Variants in AMPD3 observed in about 807,000 individuals in gnomAD.
AMPD3 encodes the protein AMP deaminase 3.
A neutral mutation model predicts 82.3 loss-of-function variants in AMPD3; 57 were observed. That is an observed-to-expected ratio of 0.69 (90% CI 0.56 to 0.86). The LOEUF is 0.86. AMPD3 is among the 40% of genes least tolerant of loss of function. AMPD3 has a pLI of 0.00. For missense variants in AMPD3, 870 were observed against 1,003.8 expected, an observed-to-expected ratio of 0.87 and a Z score of 1.80; for synonymous variants, 381 against 394.7, an observed-to-expected ratio of 0.97 and a Z score of 0.41.
upstream of AMPD3, chr11:10,451,011 C>A: frequency 6.3e-7 from 1 of 1,579,676 alleles, no homozygotes; most frequent in South Asian, 1.1e-5. Context: ...CCGTCCCTTT[C>A]GGCCGGCGGC....
chr11:10,506,443 T>C lies in AMPD3; in HGVS notation c.*559T>C, dbSNP rs1849717250. 5.8e-6 allele frequency: 1 copy of C among 171,880 alleles called. No individual in the cohort carries two copies. The highest frequency in any genetic ancestry group is 1.3e-4 in the South Asian group (1 of 7,538). 10.6% of individuals were successfully genotyped at this position (171,880 alleles called of 1,614,324 possible). The stretch of plus-strand genomic sequence containing the variant: ...TTTAGCCCTCCTTCCCTCTTTCTAG[T>C]TGGAAGCCAAATGTACTCATGAAAA... On this transcript the variant is annotated 3_prime_UTR_variant, in exon 15 of 15. Transcript: ENST00000396553. The surrounding 1 kb of genome is among the most constrained non-coding windows in gnomAD (Gnocchi z 4.1).
chr11:10,495,815 T>C (rs1321256625), intron 9 of AMPD3, 82 bp downstream of exon 9: 11 of 1,562,604 alleles, frequency 7.0e-6, no homozygotes, highest in Middle Eastern at 3.5e-4. Flanking sequence ...TCTGCACTCC[T>C]GAGGGGTAGG....
At position 10,478,406 on chromosome 11, in the gene AMPD3, G is replaced by A; in HGVS notation, c.222-120G>A. On this transcript the variant is annotated intron_variant, in intron 2 of 14. Coordinates refer to ENST00000396553, the MANE Select transcript of AMPD3 (RefSeq NM_001025389.2). ...ATAATTAGAAACTTCTTAATGGTAGGGCCAGCACCAGTGATTAATCATAGC... is the reference window on the plus strand; with the variant it reads ...ATAATTAGAAACTTCTTAATGGTAGAGCCAGCACCAGTGATTAATCATAGC... 7 of 1,576,554 alleles carry A rather than the reference G, an allele frequency of 4.4e-6. No individual in the cohort carries two copies. The South Asian group carries it at 7.8e-5, about 18-fold the overall frequency.
rs558374387 is a variant in AMPD3, at chr11:10,478,562, G to C, written c.258G>C (p.Leu86=). Reference sequence around the variant, plus strand: ...TCAAGATGATTCGGTCCCAGTCCCTGTCTCTGCAAATGCCGCCACAGCAAG... The same window carrying C: ...TCAAGATGATTCGGTCCCAGTCCCTCTCTCTGCAAATGCCGCCACAGCAAG... The part of the protein sequence containing the change: ...KSFKMIRSQS[L]SLQMPPQQDW... Residue 86 remains leucine (L), a synonymous_variant, in exon 3 of 15, where the codon CTG becomes CTC. Transcript: ENST00000396553. The C allele has an allele frequency of 6.2e-7, 1 of 1,614,210 alleles. No homozygotes were observed. Among genetic ancestry groups the C allele is most frequent in the South Asian group, 1.1e-5 (1 of 91,088 alleles).
intron 2 of AMPD3, among the ~76,000 whole-genome samples, chr11:10,463,218 C>T (rs187242012): frequency 5.3e-5 from 8 of 151,792 alleles, no homozygotes; most frequent in African/African-American, 1.9e-4. Context: ...TGTAGAAGCT[C>T]GCATTTTCTT....
At chr11:10,481,551 T>A (rs1176633939) in intron 3 of AMPD3, 1 of 961,754 alleles carries the variant, frequency 1.0e-6, no homozygotes, top group Admixed American at 6.2e-5. Flanking sequence ...GTTGGATGAT[T>A]CACCAGGAGG....
intron 1 of AMPD3, chr11:10,460,971 G>T (rs1417282042): frequency 4.1e-6 from 4 of 985,306 alleles, no homozygotes; most frequent in Non-Finnish European, 4.8e-6. Flanking sequence ...GTTTGGAACT[G>T]CAATAGCAGA....
chr11:10,450,674 G>T (rs1310291284), upstream of AMPD3: 1 of 1,030,502 alleles, frequency 9.7e-7, no homozygotes, highest in Non-Finnish European at 1.2e-6. Context: ...GGCGGCCGCC[G>T]CGCCCCTGCT....
In AMPD3 at chr11:10,485,189, G is replaced by A. The variant is rs144242285; in HGVS notation, c.809+150G>A. Reference sequence around the variant, plus strand: ...GTTTCTCCTTTCCTCAGTGCTTTGCGGGTTTCTGCAACAGTTTTCCTTCAT... The same window carrying A: ...GTTTCTCCTTTCCTCAGTGCTTTGCAGGTTTCTGCAACAGTTTTCCTTCAT... On this transcript the variant is annotated intron_variant, in intron 5 of 14. Coordinates refer to ENST00000396553, the MANE Select transcript of AMPD3 (RefSeq NM_001025389.2). The A allele has an allele frequency of 7.5e-5, 55 of 737,034 alleles. No homozygotes were observed. In the Middle Eastern group the frequency reaches 1.5e-3, roughly 20 times the overall value. The allele number at this position is 737,034 out of a possible 1,614,324, so 45.7% of individuals were successfully genotyped here.
At chr11:10,502,642 C>G in intron 12 of AMPD3, 79 bp from the exon 13 acceptor site, 1 of 1,592,306 alleles carries the variant, frequency 6.3e-7, no homozygotes, top group Non-Finnish European at 8.6e-7. Flanking sequence ...GTGAATGCTT[C>G]TTCCCTTCCT....
At chr11:10,474,674 C>G (rs115048259) in intron 2 of AMPD3, among the ~76,000 whole-genome samples, 2,857 of 152,308 alleles carry the variant, frequency 0.019, 97 homozygotes, top group African/African-American at 0.066. Flanking sequence ...TGTCCTTGTG[C>G]GTCAAGAGGA....
Position 10,482,075 on chromosome 11 carries a change from G to T in AMPD3, c.439G>T (p.Asp147Tyr), listed in dbSNP as rs147454158. The change falls in exon 4 of 15, where the codon GAC becomes TAC. Residue 147 changes from aspartate (D) to tyrosine (Y), a missense_variant. Asp to Tyr is a radical substitution (Grantham distance 160). Transcript: ENST00000396553. ...CTCCCTTCTGCAGATCACTTTGGAG[G>T]ACTATGAGCAGGCAGCCAAGAGTCT... is the stretch of plus-strand genomic sequence containing the variant. ...GDYCAGITLE[D>Y]YEQAAKSLAK... 8 of 1,614,198 alleles carry T rather than the reference G, an allele frequency of 5.0e-6. No individual in the cohort carries two copies. Among genetic ancestry groups the T allele is most frequent in the Middle Eastern group, 3.3e-4 (2 of 6,062 alleles).
rs1849419196 is a variant in AMPD3 at position 10,496,881 on chromosome 11, T to C, written c.1500T>C (p.Leu500=). The change falls in exon 10 of 15, where the codon CTT becomes CTC. Residue 500 remains leucine (L), a synonymous_variant. Coordinates refer to ENST00000396553, the MANE Select transcript of AMPD3 (RefSeq NM_001025389.2). ...TGCTGGAGAACATCTTCCTGCCCCT[T>C]TTCAAGGCCACTATCAACCCCCAAG... ...GKMLENIFLP[L]FKATINPQDH... is the part of the protein sequence containing the mutation. 9 of 1,614,014 alleles carry C rather than the reference T, an allele frequency of 5.6e-6. No homozygotes were observed. Among genetic ancestry groups the C allele is most frequent in the African/African-American group, 1.3e-5 (1 of 74,904 alleles).
At chr11:10,487,015 C>CCTG in intron 5 of AMPD3, 1 of 984,668 alleles carries the variant, frequency 1.0e-6, no homozygotes, top group Non-Finnish European at 1.2e-6. Context: ...CCAGAGCTGG[C>CCTG]CTGCTACTGC....
intron 8 of AMPD3, 100 bp downstream of exon 8, chr11:10,495,130 T>A: frequency 6.2e-7 from 1 of 1,609,606 alleles, no homozygotes; most frequent in Non-Finnish European, 8.5e-7. Context: ...TTCCCCTCCC[T>A]CTGTGTACCA....
rs374699886 is a variant in AMPD3, at chr11:10,502,763, A to G, written c.1885A>G (p.Ile629Val). Reference protein sequence around the residue: ...QYLYYLAQIPIAMSPLSNNSL... With the variant: ...QYLYYLAQIPVAMSPLSNNSL... ...TCTCTACTACCTTGCTCAGATCCCC[A>G]TTGCCATGTCTCCTCTTAGCAACAA... Residue 629 changes from isoleucine (I) to valine (V), a missense_variant, in exon 13 of 15, where the codon ATT becomes GTT. Coordinates refer to ENST00000396553, the MANE Select transcript of AMPD3 (RefSeq NM_001025389.2). 4.3e-6 allele frequency: 7 copies of G among 1,613,974 alleles called. No homozygotes were observed. The African/African-American group carries it at 6.7e-5, about 15-fold the overall frequency.
At chr11:10,503,988 TC>T (rs1177242537) in intron 13 of AMPD3, 1 of 985,196 alleles carries the variant, frequency 1.0e-6, no homozygotes, top group Non-Finnish European at 1.2e-6. Flanking sequence ...ACACTTCACA[TC>T]CCAGAAGGGA....
intron 1 of AMPD3, among the ~76,000 whole-genome samples, chr11:10,459,646 C>T (rs148888586): frequency 2.4e-3 from 359 of 152,298 alleles, no homozygotes; most frequent in African/African-American, 8.4e-3. Flanking sequence ...AGATGGGAAA[C>T]TCCTCTTCCA....
chr11:10,501,297 C>T (rs1849572831), intron 11 of AMPD3, 173 bp from the exon 12 acceptor site: 2 of 985,120 alleles, frequency 2.0e-6, no homozygotes, highest in Non-Finnish European at 2.4e-6. Flanking sequence ...CTAAGGGGCC[C>T]CAGGGCCTGG....
Sources: allele counts gnomAD v4.1 joint callset (sites outside exome capture counted in the v4.1 genomes callset), GRCh38; gene constraint gnomAD v4.1.1; non-coding constraint Gnocchi (gnomAD v3.1); transcripts MANE v1.5; gene names NCBI Gene and HGNC (gene_info 2026-07-23, HGNC 2026-07-21).